The following CEP152 variants were observed in gnomAD, a reference collection of about 807,000 sequenced individuals.
CEP152 encodes the protein centrosomal protein 152.
Under a neutral mutation model 188.9 loss-of-function variants are expected in CEP152, and 132 were observed. The observed-to-expected ratio is 0.70, with a 90% confidence interval of 0.61 to 0.81. The LOEUF (loss-of-function observed/expected upper bound fraction) is 0.81. Among genes scored for constraint, CEP152 ranks in the 30% least tolerant of loss-of-function variants. The pLI is 0.00. For missense variants in CEP152, 1,914 were observed against 1,969.8 expected (o/e 0.97, Z 0.54); for synonymous variants, 649 against 666.6 (o/e 0.97, Z 0.41).
intron 9 of CEP152, among the ~76,000 whole-genome samples, chr15:48,787,505 T>C (rs1156597861): frequency 9.9e-5 from 15 of 152,076 alleles, no homozygotes; most frequent in Admixed American, 9.8e-4. Flanking sequence ...TCCTCCACAT[T>C]GATCAAATTC....
chr15:48,755,171 T>G (rs1040716072), intron 20 of CEP152, among the ~76,000 whole-genome samples: 1 of 152,216 alleles, frequency 6.6e-6, no homozygotes, highest in African/African-American at 2.4e-5. Context: ...AATTAAAAGC[T>G]GGTCTCAGAG....
chr15:48,732,505 C>G (rs1473445888), intron 2 of CEP152, among the ~76,000 whole-genome samples: 1 of 151,924 alleles, frequency 6.6e-6, no homozygotes, highest in Non-Finnish European at 1.5e-5. Flanking sequence ...ATTGGGAACA[C>G]ATGGACACAG....
At chr15:48,772,394 G>A in intron 13 of CEP152, 93 bp downstream of exon 13, 2 of 1,042,524 alleles carry the variant, frequency 1.9e-6, no homozygotes, top group Non-Finnish European at 2.9e-6. Flanking sequence ...CTGGAAGACA[G>A]AGTGACGCCC....
chr15:48,796,523 G>A (rs1897308030), intron 5 of CEP152, among the ~76,000 whole-genome samples: 1 of 151,862 alleles, frequency 6.6e-6, no homozygotes, highest in Non-Finnish European at 1.5e-5. Context: ...CAACATCTTG[G>A]GAATATAAAA....
At chr15:48,780,264 C>G (rs555257090) in intron 12 of CEP152, among the ~76,000 whole-genome samples, 1 of 152,248 alleles carries the variant, frequency 6.6e-6, no homozygotes, top group African/African-American at 2.4e-5. Context: ...TGAAGACAGA[C>G]CTCTAGATAA....
chr15:48,742,064 C>T lies in CEP152; in HGVS notation c.3872G>A (p.Arg1291Gln), dbSNP rs1893020667. 1.9e-6 allele frequency: 3 copies of T among 1,613,948 alleles called. No individual in the cohort carries two copies. Among genetic ancestry groups the T allele is most frequent in the African/African-American group, 1.3e-5 (1 of 74,888 alleles). Residue 1291 changes from arginine (R) to glutamine (Q), a missense_variant, in exon 25 of 27, where the codon CGA becomes CAA. Arg to Gln is a conservative substitution (Grantham distance 43). Transcript: ENST00000380950. ...MLRYIQESKE[R>Q]AAEMVKAEVL... is the part of the protein sequence containing the mutation. Reference sequence around the variant, plus strand: ...CTCTGCTTTTACCATTTCTGCAGCTCGTTCCTTACTCTCCTGAATATAACG... The same window carrying T: ...CTCTGCTTTTACCATTTCTGCAGCTTGTTCCTTACTCTCCTGAATATAACG...
chr15:48,744,116 T>C, intron 24 of CEP152, 124 bp downstream of exon 24: 1 of 1,460,454 alleles, frequency 6.8e-7, no homozygotes, highest in Non-Finnish European at 9.3e-7. Flanking sequence ...TCTTTTAAGA[T>C]TGAAGAAAAA....
At chr15:48,810,421 C>T (rs1385785789) in intron 1 of CEP152, 2 of 152,254 alleles carry the variant, frequency 1.3e-5, no homozygotes, top group African/African-American at 2.4e-5. Flanking sequence ...GTGATCAGTG[C>T]TAATAACAGC....
At position 48,758,451 on chromosome 15, in the gene CEP152, C is replaced by T. The variant is rs575814166; in HGVS notation, c.2694+1684G>A. Among the ~76,000 whole-genome samples, 39 of 152,246 alleles carry T rather than the reference C, an allele frequency of 2.6e-4. 1 individual carries two copies. In the South Asian group the frequency reaches 8.1e-3, roughly 32 times the overall value. On this transcript the variant is annotated intron_variant, in intron 19 of 26. Coordinates refer to ENST00000380950, the MANE Select transcript of CEP152 (RefSeq NM_001194998.2). The stretch of plus-strand genomic sequence containing the variant: ...TGCAAATTCCAGCCAGGTGCGGTGA[C>T]TCCCACCTGTAATCCCAGCACTTTG...
intron 24 of CEP152, among the ~76,000 whole-genome samples, chr15:48,743,331 A>T (rs554531417): frequency 1.3e-5 from 2 of 152,128 alleles, no homozygotes; most frequent in East Asian, 1.9e-4. Flanking sequence ...GTTAATATAC[A>T]TTTTTCCTAT....
rs776760227 is a variant in CEP152, at chr15:48,798,001, G to A, written c.138C>T (p.Leu46=). Residue 46 remains leucine (L), a synonymous_variant, in exon 3 of 27, where the codon CTC becomes CTT. Transcript: ENST00000380950. Reference sequence around the variant, plus strand: ...CCGAATACTGGAGCTCTGGAGAGGAGAGGTCGTCATCCAGCATGTCATGGG... The same window carrying A: ...CCGAATACTGGAGCTCTGGAGAGGAAAGGTCGTCATCCAGCATGTCATGGG... The part of the protein sequence containing the change: ...DLPHDMLDDD[L]SSPELQYSDC... 1 of 1,614,094 alleles carries A rather than the reference G, an allele frequency of 6.2e-7. No homozygotes were observed. The highest frequency in any genetic ancestry group is 8.5e-7 in the Non-Finnish European group (1 of 1,179,988).
intron 2 of CEP152, among the ~76,000 whole-genome samples, chr15:48,801,683 T>G (rs1157928079): frequency 6.6e-6 from 1 of 152,228 alleles, no homozygotes; most frequent in East Asian, 1.9e-4. Flanking sequence ...CTGGTGACAC[T>G]GCAGAAAGTA....
chr15:48,748,599 C>A lies in CEP152; in HGVS notation c.3478G>T (p.Val1160Phe). ...ATEAEADKKK[V>F]LEIKDLCCGH... Reference sequence around the variant, plus strand: ...CAGCATAAATCCTTAATTTCAAGGACCTTTTTCTTATCTGCAAAAATTAAA... The same window carrying A: ...CAGCATAAATCCTTAATTTCAAGGAACTTTTTCTTATCTGCAAAAATTAAA... Residue 1160 changes from valine to phenylalanine, a missense_variant, in exon 22 of 27, where the codon GTC (valine) becomes TTC (phenylalanine). Transcript: ENST00000380950. 6.7e-7 allele frequency: 1 copy of A among 1,482,502 alleles called. No individual in the cohort carries two copies. Among genetic ancestry groups the A allele is most frequent in the Non-Finnish European group, 8.9e-7 (1 of 1,122,676 alleles). 91.8% of individuals were successfully genotyped at this position (1,482,502 alleles called of 1,614,324 possible). A position where few individuals can be genotyped will look rare whatever the true frequency, so the allele number is the denominator to read the frequency against.
Position 48,744,290 on chromosome 15 carries a change from G to T in CEP152, c.3785C>A (p.Ala1262Asp). The change falls in exon 24 of 27, where the codon GCC becomes GAC. Residue 1262 changes from alanine to aspartate, a missense_variant. By Grantham distance (126) the Ala-to-Asp change is moderately radical. Transcript: ENST00000380950. ...ENACLPCSGG[A>D]LEELRGQYIK... ...GTACTGCCCACGAAGTTCTTCCAAG[G>T]CTCCCCCACTGCATGGCAGGCAAGC... The T allele has an allele frequency of 6.2e-7, 1 of 1,613,880 alleles. No individual in the cohort carries two copies. The highest frequency in any genetic ancestry group is 8.5e-7 in the Non-Finnish European group (1 of 1,179,952).
intron 11 of CEP152, 88 bp from the exon 12 acceptor site, chr15:48,781,447 C>A (rs1052646687): frequency 2.0e-6 from 2 of 1,025,566 alleles, no homozygotes; most frequent in Non-Finnish European, 2.9e-6. Flanking sequence ...TTTTAATGAT[C>A]AACAGGAGGC....
intron 10 of CEP152, 49 bp downstream of exon 10, chr15:48,783,924 C>T: frequency 6.2e-7 from 1 of 1,605,954 alleles, no homozygotes; most frequent in South Asian, 1.1e-5. Context: ...ATTCTTTCTG[C>T]ATATTGAACC....
chr15:48,781,121 T>C, intron 12 of CEP152, 75 bp downstream of exon 12: 2 of 1,322,274 alleles, frequency 1.5e-6, no homozygotes, highest in Non-Finnish European at 2.2e-6. Flanking sequence ...GCTCTCACCT[T>C]AAAACAGATA....
At chr15:48,743,620 T>C (rs1393490486) in intron 24 of CEP152, among the ~76,000 whole-genome samples, 1 of 152,206 alleles carries the variant, frequency 6.6e-6, no homozygotes, top group Non-Finnish European at 1.5e-5. Context: ...CCCAGCACTT[T>C]GCGAGGCCGA....
chr15:48,793,662 A>C (rs1202379090), intron 6 of CEP152, among the ~76,000 whole-genome samples: 1 of 152,200 alleles, frequency 6.6e-6, no homozygotes, highest in Non-Finnish European at 1.5e-5. Context: ...TATTTTGTGA[A>C]ACTTGTTTCA....
Sources: gnomAD v4.1 joint callset for allele counts (sites outside exome capture counted in the v4.1 genomes callset) on GRCh38, gnomAD v4.1.1 for gene constraint, MANE v1.5 for transcripts, NCBI Gene and HGNC (gene_info 2026-07-23, HGNC 2026-07-21) for gene names.